The following AKIRIN1 variants were observed in gnomAD, a reference collection of about 807,000 sequenced individuals.
The protein encoded by AKIRIN1 is akirin 1, also known as akirin-1.
In AKIRIN1, 4 loss-of-function variants were observed where a neutral mutation model predicts 25.9. The observed-to-expected ratio is 0.15, with a 90% CI of 0.08 to 0.35. The LOEUF is 0.35. Ranked by LOEUF, AKIRIN1 falls within the 10% of genes least tolerant of loss-of-function variation. The pLI, the probability that AKIRIN1 is intolerant of heterozygous loss-of-function variation, is 1.00. For synonymous variants in AKIRIN1, 125 were observed against 105.1 expected, an observed-to-expected ratio of 1.19 and a Z score of -1.16; for missense variants, 243 against 266.1, an observed-to-expected ratio of 0.91 and a Z score of 0.61.
In AKIRIN1 at chr1:38,991,437, C is replaced by T; in HGVS notation, c.57C>T (p.Ser19=). 1.5e-6 allele frequency: 2 copies of T among 1,369,034 alleles called. No individual in the cohort carries two copies. The highest frequency in any genetic ancestry group is 3.6e-5 in the Admixed American group (1 of 27,690). The allele number at this position is 1,369,034 out of a possible 1,614,324, so 84.8% of individuals were successfully genotyped here. A position where few individuals can be genotyped will look rare whatever the true frequency, so the allele number is the denominator to read the frequency against. ...TGGAGTTCGAGGCGGCGCTGCTGAG[C>T]CCCGGCTCCCCGAAGCGGCGGCGCT... ...RPMEFEAALL[S]PGSPKRRRCA... Residue 19 remains serine (S), a synonymous_variant, in exon 1 of 5, where the codon AGC becomes AGT. Transcript: ENST00000432648.
At position 38,991,334 on chromosome 1, in the gene AKIRIN1, C is replaced by G. The variant is rs12043492; in HGVS notation, c.-47C>G. 4 of 1,323,386 alleles carry G rather than the reference C, an allele frequency of 3.0e-6. No homozygotes were observed. The highest frequency in any genetic ancestry group is 3.8e-5 in the South Asian group (2 of 52,112). 82.0% of individuals were successfully genotyped at this position (1,323,386 alleles called of 1,614,324 possible). A position where few individuals can be genotyped will look rare whatever the true frequency, so the allele number is the denominator to read the frequency against. On this transcript the variant is annotated 5_prime_UTR_variant, in exon 1 of 5. Transcript: ENST00000432648. ...GAGCCCGGCTGAGGAGCCTCTTGGGCCGCACTTACCGCCGCGTCCGCTCCC... is the reference window on the plus strand; with the variant it reads ...GAGCCCGGCTGAGGAGCCTCTTGGGGCGCACTTACCGCCGCGTCCGCTCCC...
At position 38,992,177 on chromosome 1, in the gene AKIRIN1, A is replaced by G. The variant is rs1008843723; in HGVS notation, c.220+577A>G. The stretch of plus-strand genomic sequence containing the variant: ...GGCCACGTTCTTTTATTATATGGCT[A>G]TTGCCTCGTACCATATATGGCTTGA... On this transcript the variant is annotated intron_variant, in intron 1 of 4. Transcript: ENST00000432648. Among the ~76,000 whole-genome samples the G allele has an allele frequency of 4.1e-4, 62 of 152,174 alleles. 1 individual carries two copies. The highest frequency in any genetic ancestry group is 3.9e-3 in the Admixed American group (59 of 15,276).
intron 1 of AKIRIN1, among the ~76,000 whole-genome samples, chr1:38,994,812 C>T (rs1428813747): frequency 6.6e-6 from 1 of 151,288 alleles, no homozygotes; most frequent in African/African-American, 2.4e-5. Context: ...GCCTTAGCCT[C>T]CCAGAACGCT....
chr1:38,997,121 G>A (rs953103561), intron 1 of AKIRIN1, among the ~76,000 whole-genome samples: 14 of 147,048 alleles, frequency 9.5e-5, no homozygotes, highest in Non-Finnish European at 1.7e-4. Flanking sequence ...AAAAAAAAAA[G>A]GTGGTTATAG....
intron 1 of AKIRIN1, among the ~76,000 whole-genome samples, chr1:38,994,035 A>T (rs1325506422): frequency 6.6e-6 from 1 of 150,718 alleles, no homozygotes; most frequent in African/African-American, 2.4e-5. Flanking sequence ...CGGCCATTGC[A>T]CTCCATCCTG....
intron 4 of AKIRIN1, among the ~76,000 whole-genome samples, chr1:39,003,644 T>TA (rs1384603031): frequency 6.6e-6 from 1 of 152,242 alleles, no homozygotes; most frequent in Non-Finnish European, 1.5e-5. Context: ...TTAAAGAGGT[T>TA]AAATAATTTG....
intron 1 of AKIRIN1, among the ~76,000 whole-genome samples, chr1:38,992,076 C>T (rs908630205): frequency 5.3e-5 from 8 of 152,056 alleles, no homozygotes; most frequent in African/African-American, 1.9e-4. Flanking sequence ...ACATGATTTC[C>T]AGAAGTCTTT....
chr1:38,994,609 G>A (rs57004544), intron 1 of AKIRIN1, among the ~76,000 whole-genome samples: 26 of 149,070 alleles, frequency 1.7e-4, no homozygotes, highest in Admixed American at 1.4e-3. Flanking sequence ...ATGTTCAAGC[G>A]ATTCTCCTGC....
intron 3 of AKIRIN1, among the ~76,000 whole-genome samples, chr1:39,002,763 C>T (rs933784564): frequency 6.6e-6 from 1 of 152,028 alleles, no homozygotes; most frequent in Admixed American, 6.6e-5. Flanking sequence ...ATATATCATT[C>T]CCTCTCCCAC....
At chr1:38,999,009 C>G (rs1386633873) in intron 2 of AKIRIN1, among the ~76,000 whole-genome samples, 1 of 152,046 alleles carries the variant, frequency 6.6e-6, no homozygotes, top group Non-Finnish European at 1.5e-5. Flanking sequence ...AAGCTCTGTT[C>G]AACAGGGGCT....
chr1:39,004,016 C>G (rs374982274), intron 4 of AKIRIN1, 29 bp from the exon 5 acceptor site: 30 of 1,593,962 alleles, frequency 1.9e-5, no homozygotes, highest in Non-Finnish European at 2.1e-5. Flanking sequence ...GTATTCTTAC[C>G]CTTTTTGTTT....
At chr1:38,992,365 G>T (rs746890456) in intron 1 of AKIRIN1, among the ~76,000 whole-genome samples, 17 of 152,200 alleles carry the variant, frequency 1.1e-4, no homozygotes, top group Non-Finnish European at 2.2e-4. Flanking sequence ...TAGCGCAGGA[G>T]TAGAGGGGAG....
At chr1:39,000,315 C>A (rs918962391) in intron 2 of AKIRIN1, among the ~76,000 whole-genome samples, 1 of 151,442 alleles carries the variant, frequency 6.6e-6, no homozygotes, top group African/African-American at 2.4e-5. Context: ...TGTGAGTGAA[C>A]CTGATTAGGA....
At chr1:39,001,247 A>G in intron 3 of AKIRIN1, 141 bp downstream of exon 3, 1 of 647,138 alleles carries the variant, frequency 1.5e-6, no homozygotes, top group Non-Finnish European at 2.3e-6. Flanking sequence ...CTCTTTGGTG[A>G]TTGTAAACAC....
At chr1:38,995,078 G>A (rs1211910089) in intron 1 of AKIRIN1, among the ~76,000 whole-genome samples, 1 of 152,004 alleles carries the variant, frequency 6.6e-6, no homozygotes, top group African/African-American at 2.4e-5. Flanking sequence ...TGATCTGCCC[G>A]CCTCGGCCTC....
rs968947234 is a variant in AKIRIN1 at position 39,004,703 on chromosome 1, C to T, written c.*648C>T. The T allele has an allele frequency of 1.9e-5, 3 of 157,114 alleles. No individual in the cohort carries two copies. The highest frequency in any genetic ancestry group is 7.2e-5 in the African/African-American group (3 of 41,460). The allele number at this position is 157,114 out of a possible 1,614,324, so 9.7% of individuals were successfully genotyped here. ...AGGTCTGCGGTCCTATATCTACAGA[C>T]ACGTGGTGAGAAATTAGAACAAACT... On this transcript the variant is annotated 3_prime_UTR_variant, in exon 5 of 5. Transcript: ENST00000432648.
chr1:38,991,523 C>G lies in AKIRIN1; in HGVS notation c.143C>G (p.Pro48Arg). Residue 48 changes from proline (P) to arginine (R), a missense_variant, in exon 1 of 5, where the codon CCG (proline) becomes CGG (arginine). Physicochemically the swap from Pro to Arg is moderately radical, Grantham distance 103. Around this residue, in one of 3 missense-constraint regions of AKIRIN1, gnomAD observed 190 missense variants for 174.4 expected, o/e 1.09. Transcript: ENST00000432648. ...CCCCCGGACGCCGAGCCGCCGCCGC[C>G]GTTTCAGACGCAGACCCCACCGCAG... ...LRPPDAEPPP[P>R]FQTQTPPQSL... 1.4e-6 allele frequency: 2 copies of G among 1,459,250 alleles called. No individual in the cohort carries two copies. The highest frequency in any genetic ancestry group is 1.8e-6 in the Non-Finnish European group (2 of 1,110,674). 90.4% of individuals were successfully genotyped at this position (1,459,250 alleles called of 1,614,324 possible). A position where few individuals can be genotyped will look rare whatever the true frequency, so the allele number is the denominator to read the frequency against.
intron 1 of AKIRIN1, among the ~76,000 whole-genome samples, chr1:38,995,372 A>G (rs898237638): frequency 3.9e-5 from 6 of 152,228 alleles, no homozygotes; most frequent in African/African-American, 1.4e-4. Context: ...GGATGGGCTT[A>G]GACCGGAAAA....
At chr1:38,993,063 A>G (rs1414631232) in intron 1 of AKIRIN1, among the ~76,000 whole-genome samples, 2 of 152,270 alleles carry the variant, frequency 1.3e-5, no homozygotes, top group Admixed American at 6.5e-5. Context: ...AAGATAGTCC[A>G]TAATCTTTTT....
Sources: gnomAD v4.1 joint callset for allele counts (sites outside exome capture counted in the v4.1 genomes callset) on GRCh38, gnomAD v4.1.1 for gene constraint, gnomAD v4.1.1 regional missense constraint, MANE v1.5 for transcripts, NCBI Gene and HGNC (gene_info 2026-07-23, HGNC 2026-07-21) for gene names.